The following EFCC1 variants were observed in gnomAD, a reference collection of about 807,000 sequenced individuals.
EFCC1 encodes the protein EF-hand and coiled-coil domain-containing protein 1.
A neutral mutation model predicts 52.1 loss-of-function variants in EFCC1; 50 were observed. That is an observed-to-expected ratio of 0.96 (90% CI 0.76 to 1.21). EFCC1 has a LOEUF of 1.21. Ranked by LOEUF, EFCC1 falls within the 50% of genes most tolerant of loss-of-function variation. The pLI is 0.00. For synonymous variants in EFCC1, 399 were observed against 396.5 expected (o/e 1.01, Z -0.08); for missense variants, 837 against 867.3 (o/e 0.97, Z 0.44).
At chr3:129,017,581 G>T (rs1302709890) in intron 2 of EFCC1, among the ~76,000 whole-genome samples, 14 of 152,170 alleles carry the variant, frequency 9.2e-5, no homozygotes, top group Non-Finnish European at 2.1e-4. Flanking sequence ...GTCAGCTGGG[G>T]TTGCTCTCTG....
At chr3:129,021,558 G>C (rs1361587655) in intron 2 of EFCC1, among the ~76,000 whole-genome samples, 1 of 152,164 alleles carries the variant, frequency 6.6e-6, no homozygotes, top group Non-Finnish European at 1.5e-5. Flanking sequence ...TGGGCAACAA[G>C]ATTGAAACTC....
intron 2 of EFCC1, among the ~76,000 whole-genome samples, chr3:129,016,215 A>G (rs1004552757): frequency 6.6e-6 from 1 of 152,138 alleles, no homozygotes; most frequent in African/African-American, 2.4e-5. Flanking sequence ...CTGTACAGGT[A>G]TTCTGCATAT....
At chr3:129,017,358 CTT>C (rs1945630615) in intron 2 of EFCC1, among the ~76,000 whole-genome samples, 1 of 152,240 alleles carries the variant, frequency 6.6e-6, no homozygotes, top group Admixed American at 6.5e-5. Context: ...TCACCACACT[CTT>C]AGTGACTTGA....
chr3:129,019,398 C>T (rs895359449), intron 2 of EFCC1, among the ~76,000 whole-genome samples: 16 of 152,212 alleles, frequency 1.1e-4, no homozygotes, highest in African/African-American at 3.6e-4. Flanking sequence ...GAAGCCCAGT[C>T]AGTCCACTCA....
intron 6 of EFCC1, among the ~76,000 whole-genome samples, 182 bp downstream of exon 6, chr3:129,037,299 A>G (rs1240257985): frequency 2.0e-5 from 3 of 152,276 alleles, no homozygotes; most frequent in Non-Finnish European, 4.4e-5. Flanking sequence ...GGGGCTCCCC[A>G]GGTCATTTTA....
At chr3:129,031,808 G>A (rs1946278032) in intron 3 of EFCC1, among the ~76,000 whole-genome samples, 2 of 152,188 alleles carry the variant, frequency 1.3e-5, no homozygotes. Flanking sequence ...CAACTCCCAA[G>A]CCAGAAGCAT....
intron 2 of EFCC1, among the ~76,000 whole-genome samples, chr3:129,007,363 A>G (rs577911732): frequency 9.2e-5 from 14 of 152,284 alleles, no homozygotes; most frequent in African/African-American, 2.9e-4. Flanking sequence ...AAAGGGCCCC[A>G]TGCCCCAAAC....
intron 4 of EFCC1, 59 bp downstream of exon 4, chr3:129,033,025 A>G: frequency 7.0e-7 from 1 of 1,437,990 alleles, no homozygotes; most frequent in Non-Finnish European, 9.2e-7. Flanking sequence ...GTGTCTGGGG[A>G]AGCCAGGAGC....
At chr3:129,030,913 G>A (rs1439004387) in intron 3 of EFCC1, 53 bp downstream of exon 3, 10 of 1,510,994 alleles carry the variant, frequency 6.6e-6, no homozygotes, top group East Asian at 2.5e-5. Context: ...CCCTCCGGCT[G>A]TGCTCAGCCC....
intron 1 of EFCC1, among the ~76,000 whole-genome samples, chr3:129,003,155 G>C (rs546739129): frequency 6.6e-6 from 1 of 152,354 alleles, no homozygotes; most frequent in South Asian, 2.1e-4. Context: ...AAGTGGCAAG[G>C]TGTGGTTTTC....
intron 2 of EFCC1, among the ~76,000 whole-genome samples, chr3:129,005,930 T>A (rs550339697): frequency 6.6e-6 from 1 of 152,400 alleles, no homozygotes; most frequent in African/African-American, 2.4e-5. Flanking sequence ...GGCTCTTCTT[T>A]GTTTATTTCT....
chr3:129,002,315 A>G lies in EFCC1; in HGVS notation c.687A>G (p.Leu229=). 2.6e-6 allele frequency: 4 copies of G among 1,522,300 alleles called. No individual in the cohort carries two copies. Among genetic ancestry groups the G allele is most frequent in the Non-Finnish European group, 2.6e-6 (3 of 1,141,978 alleles). The allele number at this position is 1,522,300 out of a possible 1,614,324, so 94.3% of individuals were successfully genotyped here. A position where few individuals can be genotyped will look rare whatever the true frequency, so the allele number is the denominator to read the frequency against. The change falls in exon 1 of 8, where the codon CTA becomes CTG. Residue 229 remains leucine, a synonymous_variant. Transcript: ENST00000683648. ...TGCAGAGCAGTGATGCGCGCTGCCT[A>G]GCACTGCAGGTGCGCGCCGGCCACG... The part of the protein sequence containing the change: ...AALQSSDARC[L]ALQVGLWKSQ...
chr3:129,001,942 C>A lies in EFCC1; in HGVS notation c.314C>A (p.Ser105Tyr). 6.5e-7 allele frequency: 1 copy of A among 1,543,346 alleles called. No homozygotes were observed. The highest frequency in any genetic ancestry group is 8.7e-7 in the Non-Finnish European group (1 of 1,143,786). The change falls in exon 1 of 8, where the codon TCC becomes TAC. Residue 105 changes from serine to tyrosine, a missense_variant. By Grantham distance (144) the Ser-to-Tyr change is moderately radical (BLOSUM62 -2). Coordinates refer to ENST00000683648, the MANE Select transcript of EFCC1 (RefSeq NM_001377500.1). ...TAGQAAGDGN[S>Y]RDVTPGDAAA... ...GGGCAGGCAGCAGGTGACGGGAACT[C>A]CAGAGATGTGACCCCCGGGGATGCG...
At chr3:129,005,982 C>T (rs1312730434) in intron 2 of EFCC1, among the ~76,000 whole-genome samples, 1 of 152,268 alleles carries the variant, frequency 6.6e-6, no homozygotes, top group Non-Finnish European at 1.5e-5. Flanking sequence ...CTACAAGTGA[C>T]TACAAACATT....
In EFCC1 at chr3:129,022,807, C is replaced by T. The variant is rs546204696; in HGVS notation, c.981-7896C>T. ...CCCAGACCATTTCCCCCATGGCTCC[C>T]GAAAGACAGTGGCCCAGAAGTGCGG... On this transcript the variant is annotated intron_variant, in intron 2 of 7. Transcript: ENST00000683648. Among the ~76,000 whole-genome samples the T allele has an allele frequency of 3.9e-5, 6 of 152,324 alleles. No homozygotes were observed. In the South Asian group the frequency reaches 8.3e-4, roughly 21 times the overall value.
chr3:129,001,812 G>A lies in EFCC1; in HGVS notation c.184G>A (p.Val62Ile), dbSNP rs1400542202. The A allele has an allele frequency of 4.5e-6, 7 of 1,545,552 alleles. No homozygotes were observed. The highest frequency in any genetic ancestry group is 6.1e-6 in the Non-Finnish European group (7 of 1,145,824). The stretch of plus-strand genomic sequence containing the variant: ...CGGCCTGGACCAGTACCTGCAGGAG[G>A]TCTTCCACCACCTGGACTGCCGCGG... Reference protein sequence around the residue: ...ATGLDQYLQEVFHHLDCRGAG... With the variant: ...ATGLDQYLQEIFHHLDCRGAG... Residue 62 changes from valine (V) to isoleucine (I), a missense_variant, in exon 1 of 8, where the codon GTC becomes ATC. Physicochemically the swap from Val to Ile is conservative, Grantham distance 29. Transcript: ENST00000683648.
chr3:129,024,337 G>A (rs1473172612), intron 2 of EFCC1, among the ~76,000 whole-genome samples: 4 of 152,014 alleles, frequency 2.6e-5, no homozygotes, highest in East Asian at 1.9e-4. Flanking sequence ...TTCAAGACCC[G>A]CCTGGCCAAC....
At chr3:129,008,292 T>G (rs79373023) in intron 2 of EFCC1, among the ~76,000 whole-genome samples, 2 of 152,236 alleles carry the variant, frequency 1.3e-5, no homozygotes, top group African/African-American at 2.4e-5. Context: ...AGTCTCCTTC[T>G]GTAACTCACT....
intron 2 of EFCC1, among the ~76,000 whole-genome samples, chr3:129,020,216 C>G (rs545002817): frequency 6.6e-6 from 1 of 152,230 alleles, no homozygotes; most frequent in South Asian, 2.1e-4. Flanking sequence ...GAAAGATGAA[C>G]AAGCAGGAAG....
Sources: gnomAD v4.1 joint callset for allele counts (sites outside exome capture counted in the v4.1 genomes callset) on GRCh38, gnomAD v4.1.1 for gene constraint, MANE v1.5 for transcripts, NCBI Gene and HGNC (gene_info 2026-07-23, HGNC 2026-07-21) for gene names.